Variants in SPTA1 observed in about 807,000 individuals in gnomAD.
The protein encoded by SPTA1 is spectrin alpha, erythrocytic 1.
Under a neutral mutation model 324.7 loss-of-function variants are expected in SPTA1, and 177 were observed. The observed-to-expected ratio is 0.55, with a 90% CI of 0.48 to 0.62. SPTA1 has a LOEUF of 0.62. Ranked by LOEUF, SPTA1 falls within the 20% of genes least tolerant of loss-of-function variation. The pLI, the probability that SPTA1 is intolerant of heterozygous loss-of-function variation, is 0.00. For missense variants in SPTA1, 3,162 were observed against 2,883.6 expected, an observed-to-expected ratio of 1.10 and a Z score of -2.21; for synonymous variants, 1,195 against 1,041.3, an observed-to-expected ratio of 1.15 and a Z score of -2.84.
At chr1:158,613,486 A>G (rs894490506) in intron 50 of SPTA1, among the ~76,000 whole-genome samples, 14 of 152,158 alleles carry the variant, frequency 9.2e-5, no homozygotes, top group African/African-American at 3.4e-4. Flanking sequence ...CATAGATTGA[A>G]CATAAATCAT....
In SPTA1 at chr1:158,615,339, T is replaced by C. The variant is rs1386481758; in HGVS notation, c.6665A>G (p.Asn2222Ser). The change falls in exon 48 of 52, where the codon AAC (asparagine) becomes AGC (serine). Residue 2222 changes from asparagine to serine, a missense_variant. By Grantham distance (46) the Asn-to-Ser change is conservative. Transcript: ENST00000643759. ...ATCAAGGATCAGAGCGTCTTCCAAG[T>C]TGTCCCCCAGGTCCACAATCTTGGT... ...QLTKIVDLGD[N>S]LEDALILDIK... The C allele has an allele frequency of 6.2e-7, 1 of 1,614,084 alleles. No homozygotes were observed. Among genetic ancestry groups the C allele is most frequent in the Non-Finnish European group, 8.5e-7 (1 of 1,179,998 alleles).
chr1:158,623,061 C>T lies in SPTA1; in HGVS notation c.6042G>A (p.Leu2014=). 6.2e-7 allele frequency: 1 copy of T among 1,614,178 alleles called. No homozygotes were observed. Among genetic ancestry groups the T allele is most frequent in the African/African-American group, 1.3e-5 (1 of 75,050 alleles). Residue 2014 remains leucine (L), a synonymous_variant, in exon 43 of 52, where the codon CTG becomes CTA. Transcript: ENST00000643759. ...CTTCCAGCAACTGTTCCCAGCGCTTCAGCAGAGCGGCATAACGCTCTTCAA... is the reference window on the plus strand; with the variant it reads ...CTTCCAGCAACTGTTCCCAGCGCTTTAGCAGAGCGGCATAACGCTCTTCAA... ...KAIEERYAAL[L]KRWEQLLEAS...
chr1:158,677,909 A>G lies in SPTA1; in HGVS notation c.813-75T>C, dbSNP rs1296783685. On this transcript the variant is annotated intron_variant, in intron 6 of 51. Transcript: ENST00000643759. Reference sequence around the variant, plus strand: ...GGGCAAACGGTCCAACAGAACTCACAGCAAGGACCATCCTAGTTGACCCAG... The same window carrying G: ...GGGCAAACGGTCCAACAGAACTCACGGCAAGGACCATCCTAGTTGACCCAG... The G allele has an allele frequency of 2.5e-6, 4 of 1,582,844 alleles. No homozygotes were observed. In the Admixed American group the frequency reaches 6.7e-5, roughly 26 times the overall value.
At position 158,614,233 on chromosome 1, in the gene SPTA1, A is replaced by G. The variant is rs1186734927; in HGVS notation, c.6842+20T>C. ...TAATCTGAAAAACAAAGAAGCAGTT[A>G]ACTATGAAATTATACTCACTTATAG... On this transcript the variant is annotated intron_variant, in intron 49 of 51. Transcript: ENST00000643759. 1 of 1,533,642 alleles carries G rather than the reference A, an allele frequency of 6.5e-7. No homozygotes were observed. The highest frequency in any genetic ancestry group is 9.0e-7 in the Non-Finnish European group (1 of 1,107,360).
chr1:158,678,743 T>A (rs1352157533), intron 5 of SPTA1, among the ~76,000 whole-genome samples: 1 of 152,130 alleles, frequency 6.6e-6, no homozygotes, highest in African/African-American at 2.4e-5. Context: ...TGCCAGATGT[T>A]GCATCTGTGC....
At chr1:158,636,974 G>T (rs1651132177) in intron 36 of SPTA1, among the ~76,000 whole-genome samples, 1 of 152,162 alleles carries the variant, frequency 6.6e-6, no homozygotes, top group South Asian at 2.1e-4. Flanking sequence ...GTAACATACT[G>T]ATCTCCACCA....
In SPTA1 at chr1:158,686,679, T is replaced by A; in HGVS notation, c.-162A>T. 1 of 625,820 alleles carries A rather than the reference T, an allele frequency of 1.6e-6. No individual in the cohort carries two copies. The highest frequency in any genetic ancestry group is 3.9e-4 in the Middle Eastern group (1 of 2,586). 38.8% of individuals were successfully genotyped at this position (625,820 alleles called of 1,614,324 possible). A position where few individuals can be genotyped will look rare whatever the true frequency, so the allele number is the denominator to read the frequency against. On this transcript the variant is annotated 5_prime_UTR_variant, in exon 1 of 52. An upstream start codon of the reference 5' UTR is lost. Coordinates refer to ENST00000643759, the MANE Select transcript of SPTA1 (RefSeq NM_003126.4). ...CCTCTTGCTTGGTCCTAGAATCCCA[T>A]CAGCCATACACAATCGACATTATCT...
chr1:158,651,606 T>A, intron 23 of SPTA1, 138 bp from the exon 24 acceptor site: 1 of 711,324 alleles, frequency 1.4e-6, no homozygotes. Flanking sequence ...TCTCCTCCAA[T>A]CCACCACTGA....
At chr1:158,661,565 C>T (rs1037732383) in intron 17 of SPTA1, 156 bp from the exon 18 acceptor site, 2 of 937,932 alleles carry the variant, frequency 2.1e-6, no homozygotes, top group Admixed American at 2.5e-5. Context: ...TCTGATTTCA[C>T]TCTACTTATC....
At position 158,672,135 on chromosome 1, in the gene SPTA1, T is replaced by G. The variant is rs121918635; in HGVS notation, c.1412A>C (p.Gln471Pro). ...ATGAAAGTCCAAGCACTGCTCATACTGACGATGACGCTCGTCCCACAGTTC... is the reference window on the plus strand; with the variant it reads ...ATGAAAGTCCAAGCACTGCTCATACGGACGATGACGCTCGTCCCACAGTTC... ...LLELWDERHRQYEQCLDFHLF... is the reference protein window; with the variant it reads ...LLELWDERHRPYEQCLDFHLF... The change falls in exon 11 of 52, where the codon CAG (glutamine) becomes CCG (proline). Residue 471 changes from glutamine to proline, a missense_variant. Transcript: ENST00000643759. 3 of 1,613,998 alleles carry G rather than the reference T, an allele frequency of 1.9e-6. No homozygotes were observed. The African/African-American group carries it at 4.0e-5, about 22-fold the overall frequency.
intron 39 of SPTA1, among the ~76,000 whole-genome samples, chr1:158,632,477 AAACT>A (rs1202732086): frequency 2.0e-5 from 3 of 152,348 alleles, no homozygotes; most frequent in Non-Finnish European, 4.4e-5. Context: ...CAAAATGAAC[AAACT>A]AACAATTCAA....
chr1:158,678,970 G>A (rs573093096), intron 5 of SPTA1, among the ~76,000 whole-genome samples: 2 of 152,166 alleles, frequency 1.3e-5, no homozygotes, highest in African/African-American at 4.8e-5. Flanking sequence ...TCCAATAAAA[G>A]CTATTTTTCT....
In SPTA1 at chr1:158,681,529, T is replaced by A. The variant is rs747914023; in HGVS notation, c.529A>T (p.Lys177Ter). 6.2e-7 allele frequency: 1 copy of A among 1,613,636 alleles called. No homozygotes were observed. The highest frequency in any genetic ancestry group is 8.5e-7 in the Non-Finnish European group (1 of 1,179,656). The change falls in exon 4 of 52, where the codon AAG becomes TAG. Residue 177 changes from lysine (K) to a stop codon, truncating the protein, a stop_gained and splice_region_variant. Coordinates refer to ENST00000643759, the MANE Select transcript of SPTA1 (RefSeq NM_003126.4). LOFTEE classifies it high-confidence loss of function. ...GATTGCTGTTTTAAGTTCGATACCT[T>A]GTCTCCAATCCACTCTAAGATGTCA... The part of the protein sequence containing the change: ...CADILEWIGD[K>*]EAIATSVELG...
intron 39 of SPTA1, among the ~76,000 whole-genome samples, chr1:158,632,759 CTTT>C (rs34990595): frequency 2.2e-5 from 3 of 138,302 alleles, no homozygotes; most frequent in Non-Finnish European, 3.2e-5. Flanking sequence ...AGGAATTTGG[CTTT>C]TTTTTTTTTT....
At chr1:158,673,624 TAC>T (rs1488185443) in intron 10 of SPTA1, among the ~76,000 whole-genome samples, 2 of 152,218 alleles carry the variant, frequency 1.3e-5, no homozygotes, top group African/African-American at 4.8e-5. Context: ...TCAGATGCTG[TAC>T]TAGGCACTGT....
rs1354961398 is a variant in SPTA1, at chr1:158,649,762, A to G, written c.3569+94T>C. The G allele has an allele frequency of 2.8e-6, 3 of 1,071,302 alleles. No individual in the cohort carries two copies. The African/African-American group carries it at 4.7e-5, about 17-fold the overall frequency. The allele number at this position is 1,071,302 out of a possible 1,614,324, so 66.4% of individuals were successfully genotyped here. ...GGCACATTGTCTCCATCTCACGAAAAAAGATTATACTATGGTTCCACCATA... is the reference window on the plus strand; with the variant it reads ...GGCACATTGTCTCCATCTCACGAAAGAAGATTATACTATGGTTCCACCATA... On this transcript the variant is annotated intron_variant, in intron 25 of 51. Coordinates refer to ENST00000643759, the MANE Select transcript of SPTA1 (RefSeq NM_003126.4).
intron 43 of SPTA1, among the ~76,000 whole-genome samples, chr1:158,621,641 A>T (rs1035361191): frequency 2.6e-5 from 4 of 152,206 alleles, no homozygotes; most frequent in Non-Finnish European, 5.9e-5. Context: ...GAATGCACAT[A>T]TATGTGTAAA....
At position 158,619,374 on chromosome 1, in the gene SPTA1, G is replaced by T. The variant is rs1649767484; in HGVS notation, c.6418-40C>A. Reference sequence around the variant, plus strand: ...CACAGACAACGTGACTGACATCGAAGGCCTTTCTTTGCCATAAGAGAATTG... The same window carrying T: ...CACAGACAACGTGACTGACATCGAATGCCTTTCTTTGCCATAAGAGAATTG... On this transcript the variant is annotated intron_variant, in intron 44 of 51. Transcript: ENST00000643759. The T allele has an allele frequency of 3.1e-6, 5 of 1,598,916 alleles. No homozygotes were observed. The East Asian group carries it at 1.1e-4, about 36-fold the overall frequency.
chr1:158,645,692 G>A, intron 27 of SPTA1, 98 bp from the exon 28 acceptor site: 1 of 1,322,138 alleles, frequency 7.6e-7, no homozygotes, highest in East Asian at 2.3e-5. Flanking sequence ...AACATTTCCA[G>A]AATAACATTT....
Sources: gnomAD v4.1 joint callset for allele counts (sites outside exome capture counted in the v4.1 genomes callset) on GRCh38, gnomAD v4.1.1 for gene constraint, MANE v1.5 for transcripts, NCBI Gene and HGNC (gene_info 2026-07-23, HGNC 2026-07-21) for gene names.